The following NDUFB10 variants were observed in gnomAD, a reference collection of about 807,000 sequenced individuals.
The protein encoded by NDUFB10 is NADH:ubiquinone oxidoreductase subunit B10.
Under a neutral mutation model 19.0 loss-of-function variants are expected in NDUFB10, and 23 were observed. The ratio of observed to expected loss-of-function variants is 1.21; its 90% CI spans 0.87 to 1.71. NDUFB10 has a LOEUF of 1.71. NDUFB10 is among the 40% of genes most tolerant of loss of function. NDUFB10 has a pLI of 0.00. For missense variants in NDUFB10, 312 were observed against 230.6 expected (o/e 1.35, Z -2.29); for synonymous variants, 104 against 81.8 (o/e 1.27, Z -1.46).
In NDUFB10 at chr16:1,961,163, G is replaced by A. The variant is rs1252987612; in HGVS notation, c.141G>A (p.Glu47=). Residue 47 remains glutamate, a synonymous_variant, in exon 2 of 4, where the codon GAG becomes GAA. Coordinates refer to ENST00000268668, the MANE Select transcript of NDUFB10 (RefSeq NM_004548.3). ...GCTTTGTCTTTGCAGAATTTATAGA[G>A]CGGCAGCACGCAAAGAACAGGTATT... ...RPVTLVREFI[E]RQHAKNRYYY... The A allele has an allele frequency of 1.7e-5, 27 of 1,613,992 alleles. No individual in the cohort carries two copies. Among genetic ancestry groups the A allele is most frequent in the Non-Finnish European group, 2.2e-5 (26 of 1,179,974 alleles).
At chr16:1,960,559 G>A (rs1054484148) in intron 1 of NDUFB10, among the ~76,000 whole-genome samples, 1 of 152,194 alleles carries the variant, frequency 6.6e-6, no homozygotes, top group African/African-American at 2.4e-5. Flanking sequence ...TGCATAGCAT[G>A]CTCTGGTGGT....
chr16:1,961,643 G>GGGGGCCCCCCCCCCCCCC lies in NDUFB10; in HGVS notation c.409+7_409+8insGGGGCCCCCCCCCCCCCC. 2 of 1,547,246 alleles carry GGGGGCCCCCCCCCCCCCC rather than the reference G, an allele frequency of 1.3e-6. No individual in the cohort carries two copies. The highest frequency in any genetic ancestry group is 8.8e-7 in the Non-Finnish European group (1 of 1,141,078). ...AAGGCCTACCAGGACCGCTGTGCGT[G>GGGGGCCCCCCCCCCCCCC]CCCCACCCACCCCCAACCCCCCACC... On this transcript the variant is annotated splice_region_variant and intron_variant, in intron 3 of 3. Transcript: ENST00000268668.
At position 1,961,188 on chromosome 16, in the gene NDUFB10, T is replaced by TA; in HGVS notation, c.167dup (p.Tyr56Ter). 6.2e-7 allele frequency: 1 copy of TA among 1,614,080 alleles called. No homozygotes were observed. The highest frequency in any genetic ancestry group is 8.5e-7 in the Non-Finnish European group (1 of 1,179,978). Residue 56 changes from tyrosine (Y) to a stop codon, truncating the protein, a stop_gained and frameshift_variant, in exon 2 of 4, where the codon TAC becomes TAAC. Coordinates refer to ENST00000268668, the MANE Select transcript of NDUFB10 (RefSeq NM_004548.3). LOFTEE classifies it high-confidence loss of function. ...GCGGCAGCACGCAAAGAACAGGTAT[T>TA]ACTACTACCACCGGCAGTACCGCCG... ...IERQHAKNRY[Y>*]YYHRQYRRVP...
At chr16:1,960,395 A>G (rs1015889690) in intron 1 of NDUFB10, among the ~76,000 whole-genome samples, 2 of 151,840 alleles carry the variant, frequency 1.3e-5, no homozygotes, top group African/African-American at 4.8e-5. Flanking sequence ...GCTAATTTTT[A>G]TATTTTTAGT....
At chr16:1,961,407 G>A in intron 2 of NDUFB10, 90 bp from the exon 3 acceptor site, 2 of 1,594,284 alleles carry the variant, frequency 1.3e-6, no homozygotes, top group Non-Finnish European at 1.7e-6. Flanking sequence ...GGAGGAGCCA[G>A]ACCCCAGGGC....
At position 1,961,567 on chromosome 16, in the gene NDUFB10, A is replaced by G. The variant is rs2083254890; in HGVS notation, c.340A>G (p.Asn114Asp). 1.2e-6 allele frequency: 2 copies of G among 1,614,100 alleles called. No homozygotes were observed. The highest frequency in any genetic ancestry group is 1.7e-6 in the Non-Finnish European group (2 of 1,180,024). The change falls in exon 3 of 4, where the codon AAC (asparagine) becomes GAC (aspartate). Residue 114 changes from asparagine (N) to aspartate (D), a missense_variant. Physicochemically the swap from Asn to Asp is conservative, Grantham distance 23. Transcript: ENST00000268668. ...AGCCTGTCAGCAGAGGGAAGGACAG[A>G]ACTACCAGCAGAACTGTATCAAGGA... ...LKACQQREGQNYQQNCIKEVE... is the reference protein window; with the variant it reads ...LKACQQREGQDYQQNCIKEVE...
intron 1 of NDUFB10, 73 bp downstream of exon 1, chr16:1,959,827 T>C (rs2150870162): frequency 6.4e-7 from 1 of 1,572,636 alleles, no homozygotes; most frequent in Non-Finnish European, 8.7e-7. Flanking sequence ...GCCTGGATCC[T>C]CCAATGCCTC....
In NDUFB10 at chr16:1,961,643, G is replaced by GGGCCCCCCCCCCCCCCCCCCCCCCC; in HGVS notation, c.409+7_409+8insGGCCCCCCCCCCCCCCCCCCCCCCC. The GGGCCCCCCCCCCCCCCCCCCCCCCC allele has an allele frequency of 9.7e-6, 15 of 1,546,778 alleles. No homozygotes were observed. The highest frequency in any genetic ancestry group is 2.3e-5 in the East Asian group (1 of 42,848). On this transcript the variant is annotated splice_region_variant and intron_variant, in intron 3 of 3. Transcript: ENST00000268668. Reference sequence around the variant, plus strand: ...AAGGCCTACCAGGACCGCTGTGCGTGCCCCACCCACCCCCAACCCCCCACC... The same window carrying GGGCCCCCCCCCCCCCCCCCCCCCCC: ...AAGGCCTACCAGGACCGCTGTGCGTGGGCCCCCCCCCCCCCCCCCCCCCCCCCCCACCCACCCCCAACCCCCCACC...
chr16:1,961,939 G>A lies in NDUFB10; in HGVS notation c.*33G>A, dbSNP rs2150871658. The A allele has an allele frequency of 6.5e-7, 1 of 1,535,708 alleles. No individual in the cohort carries two copies. Among genetic ancestry groups the A allele is most frequent in the Non-Finnish European group, 8.8e-7 (1 of 1,132,492 alleles). ...GTGGGTGCCCCTGCTGTGTGGCTCT[G>A]TATGACTGTTGCTGAAATATAAAGC... On this transcript the variant is annotated 3_prime_UTR_variant, in exon 4 of 4. Coordinates refer to ENST00000268668, the MANE Select transcript of NDUFB10 (RefSeq NM_004548.3).
chr16:1,961,328 C>CGTGGG, intron 2 of NDUFB10, 37 bp downstream of exon 2: 1 of 1,611,302 alleles, frequency 6.2e-7, no homozygotes, highest in South Asian at 1.1e-5. Flanking sequence ...AGATCTGCAC[C>CGTGGG]GTGTGCTGCT....
chr16:1,960,069 C>T (rs539981648), intron 1 of NDUFB10, among the ~76,000 whole-genome samples: 4 of 152,260 alleles, frequency 2.6e-5, no homozygotes, highest in African/African-American at 7.2e-5. Flanking sequence ...TGCTCTCCGC[C>T]CCCCGCCGCC....
intron 1 of NDUFB10, among the ~76,000 whole-genome samples, chr16:1,960,940 TGGTACTCG>T (rs2083249748): frequency 6.6e-6 from 1 of 152,216 alleles, no homozygotes; most frequent in African/African-American, 2.4e-5. Flanking sequence ...GGATGATGCC[TGGTACTCG>T]GGAGCTCTCC....
intron 1 of NDUFB10, among the ~76,000 whole-genome samples, chr16:1,960,726 A>T (rs2083248435): frequency 6.6e-6 from 1 of 152,172 alleles, no homozygotes. Context: ...TTCATTTCCC[A>T]GTGAGGAAGC....
rs772888939 is a variant in NDUFB10 at position 1,959,697 on chromosome 16, G to A, written c.73G>A (p.Val25Ile). Residue 25 changes from valine (V) to isoleucine (I), a missense_variant, in exon 1 of 4, where the codon GTC becomes ATC. Transcript: ENST00000268668. ...RRTPVQPNPI[V>I]YMMKAFDLIV... Reference sequence around the variant, plus strand: ...CACGCCGGTGCAGCCCAATCCCATCGTCTACATGATGAAAGCGTTCGACCT... The same window carrying A: ...CACGCCGGTGCAGCCCAATCCCATCATCTACATGATGAAAGCGTTCGACCT... 2.5e-6 allele frequency: 4 copies of A among 1,613,354 alleles called. No homozygotes were observed. Among genetic ancestry groups the A allele is most frequent in the East Asian group, 2.2e-5 (1 of 44,850 alleles).
intron 1 of NDUFB10, 119 bp downstream of exon 1, chr16:1,959,873 AC>A (rs2083242159): frequency 1.6e-6 from 2 of 1,285,390 alleles, no homozygotes; most frequent in Non-Finnish European, 2.1e-6. Flanking sequence ...CCCCCGCTGC[AC>A]CCCGGGGACA....
chr16:1,961,826 AG>A lies in NDUFB10; in HGVS notation c.441del (p.Lys148SerfsTer44), dbSNP rs1567316352. 6.4e-7 allele frequency: 1 copy of A among 1,560,696 alleles called. No homozygotes were observed. Among genetic ancestry groups the A allele is most frequent in the Admixed American group, 1.9e-5 (1 of 51,782 alleles). On this transcript the variant is annotated frameshift_variant, in exon 4 of 4. Transcript: ENST00000268668. LOFTEE classifies it high-confidence loss of function. Reference sequence around the variant, plus strand: ...GGACCTGGGGGCCTACAGTTCTGCCAGGAAGTGCCTGGCCAAACAGAGGCAG... The same window carrying A: ...GGACCTGGGGGCCTACAGTTCTGCCAGAAGTGCCTGGCCAAACAGAGGCAG... ...YQDLGAYSSA[R>X]KCLAKQRQRM...
At position 1,961,201 on chromosome 16, in the gene NDUFB10, G is replaced by A. The variant is rs145224565; in HGVS notation, c.179G>A (p.Arg60Gln). The A allele has an allele frequency of 2.0e-5, 32 of 1,614,018 alleles. No homozygotes were observed. Among genetic ancestry groups the A allele is most frequent in the Middle Eastern group, 3.3e-4 (2 of 6,082 alleles). ...AAGAACAGGTATTACTACTACCACCGGCAGTACCGCCGCGTGCCAGACATC... is the reference window on the plus strand; with the variant it reads ...AAGAACAGGTATTACTACTACCACCAGCAGTACCGCCGCGTGCCAGACATC... ...HAKNRYYYYHRQYRRVPDITE... is the reference protein window; with the variant it reads ...HAKNRYYYYHQQYRRVPDITE... Residue 60 changes from arginine (R) to glutamine (Q), a missense_variant, in exon 2 of 4, where the codon CGG becomes CAG. By Grantham distance (43) the Arg-to-Gln change is conservative. Coordinates refer to ENST00000268668, the MANE Select transcript of NDUFB10 (RefSeq NM_004548.3).
chr16:1,961,015 G>A, intron 1 of NDUFB10, 138 bp from the exon 2 acceptor site: 1 of 1,086,014 alleles, frequency 9.2e-7, no homozygotes, highest in Non-Finnish European at 1.3e-6. Flanking sequence ...CCCTTAGAGA[G>A]ACGAATTGCT....
Position 1,961,152 on chromosome 16 carries a change from G to A in NDUFB10, c.131-1G>A. 2 of 1,613,872 alleles carry A rather than the reference G, an allele frequency of 1.2e-6. No individual in the cohort carries two copies. The highest frequency in any genetic ancestry group is 8.5e-7 in the Non-Finnish European group (1 of 1,179,908). ...TTGAGTCTGTGGCTTTGTCTTTGCA[G>A]AATTTATAGAGCGGCAGCACGCAAA... On this transcript the variant is annotated splice_acceptor_variant, in intron 1 of 3. Coordinates refer to ENST00000268668, the MANE Select transcript of NDUFB10 (RefSeq NM_004548.3). LOFTEE classifies it high-confidence loss of function.
Sources: gnomAD v4.1 joint callset for allele counts (sites outside exome capture counted in the v4.1 genomes callset) on GRCh38, gnomAD v4.1.1 for gene constraint, MANE v1.5 for transcripts, NCBI Gene and HGNC (gene_info 2026-07-23, HGNC 2026-07-21) for gene names.